FUT8: variants seen among roughly 807,000 people sequenced by gnomAD.
FUT8 encodes the protein fucosyltransferase 8.
FUT8 carries 29 observed loss-of-function variants against 71.3 expected under a neutral mutation model. The observed-to-expected ratio is 0.41, with a 90% confidence interval of 0.30 to 0.55. The LOEUF is 0.55. FUT8 is among the 20% of genes least tolerant of loss of function. FUT8 has a pLI of 0.34. For synonymous variants in FUT8, 254 were observed against 239.3 expected (o/e 1.06, Z -0.57); for missense variants, 544 against 702.1 (o/e 0.77, Z 2.55).
chr14:65,368,532 G>GT, the FUT8 span, among the ~76,000 whole-genome samples: 72 of 125,546 alleles, frequency 5.7e-4, 9 homozygotes, highest in African/African-American at 1.6e-3. Flanking sequence ...TGTTGTTTTT[G>GT]TTTTTTTTGA....
intron 7 of FUT8, among the ~76,000 whole-genome samples, chr14:65,699,232 G>C (rs1894164482): frequency 6.8e-6 from 1 of 147,478 alleles, no homozygotes; most frequent in South Asian, 2.1e-4. Flanking sequence ...ATTCACACCT[G>C]TTCCTAACCC....
rs1885202350 is a variant in FUT8 at position 65,550,048 on chromosome 14, G to A, written c.-227-11289G>A. The stretch of plus-strand genomic sequence containing the variant: ...TGCACTCCAGCCTGGGTGACAGAGC[G>A]AGACTCTGTCTAAAAACAAAACAAA... On this transcript the variant is annotated intron_variant, in intron 2 of 10. Coordinates refer to ENST00000673929, the MANE Select transcript of FUT8 (RefSeq NM_001371533.1). This position sits in a 1 kb window ranked among gnomAD's most constrained non-coding sequence, Gnocchi z 4.5. Among the ~76,000 whole-genome samples, 1 of 152,192 alleles carries A rather than the reference G, an allele frequency of 6.6e-6. No homozygotes were observed. The highest frequency in any genetic ancestry group is 1.9e-4 in the East Asian group (1 of 5,168).
chr14:65,525,102 C>G (rs1883356351), intron 2 of FUT8, among the ~76,000 whole-genome samples: 1 of 152,166 alleles, frequency 6.6e-6, no homozygotes, highest in Non-Finnish European at 1.5e-5. Flanking sequence ...AGGATTTCCT[C>G]TTTTTCTATT....
intron 2 of FUT8, among the ~76,000 whole-genome samples, chr14:65,480,433 A>G (rs769686235): frequency 2.0e-5 from 3 of 150,648 alleles, no homozygotes; most frequent in Non-Finnish European, 4.4e-5. Context: ...CTCCCACCTC[A>G]GCCACCAGAG....
At chr14:65,500,826 A>G (rs1269738169) in intron 2 of FUT8, among the ~76,000 whole-genome samples, 2 of 152,056 alleles carry the variant, frequency 1.3e-5, no homozygotes, top group Non-Finnish European at 1.5e-5. Flanking sequence ...AGCGTTGAAA[A>G]CTTGTATTTG....
Position 65,439,972 on chromosome 14 carries a change from A to G in FUT8, c.-325-15649A>G, listed in dbSNP as rs1213824420. 2.7e-4 allele frequency among the ~76,000 whole-genome samples: 37 copies of G among 135,506 alleles called. 1 individual carries two copies. Among genetic ancestry groups the G allele is most frequent in the African/African-American group, 4.6e-4 (17 of 37,010 alleles). 88.9% of individuals were successfully genotyped at this position (135,506 alleles called of 152,430 possible). ...TGTGTGTGTATATATATATATATATATATATATATATATATATATGTACAC... is the reference window on the plus strand; with the variant it reads ...TGTGTGTGTATATATATATATATATGTATATATATATATATATATGTACAC... On this transcript the variant is annotated intron_variant, in intron 1 of 10. Transcript: ENST00000673929.
chr14:65,556,636 C>A (rs931244874), intron 2 of FUT8, among the ~76,000 whole-genome samples: 1 of 152,164 alleles, frequency 6.6e-6, no homozygotes, highest in African/African-American at 2.4e-5. Context: ...GTGCAGCCAA[C>A]ACTCAAGAGG....
chr14:65,385,954 C>T, the FUT8 span, among the ~76,000 whole-genome samples: 1 of 152,046 alleles, frequency 6.6e-6, no homozygotes, highest in African/African-American at 2.4e-5. Context: ...GAGTTTGAGA[C>T]CAGCCTGGCC....
At chr14:65,540,735 T>A (rs1461666871) in intron 2 of FUT8, among the ~76,000 whole-genome samples, 1 of 152,208 alleles carries the variant, frequency 6.6e-6, no homozygotes, top group East Asian at 1.9e-4. Flanking sequence ...TGGAATGGTT[T>A]ATGTACACAG....
chr14:65,447,115 A>G (rs2065754379), intron 1 of FUT8, among the ~76,000 whole-genome samples: 1 of 151,740 alleles, frequency 6.6e-6, no homozygotes, highest in Non-Finnish European at 1.5e-5. Context: ...CTGGGTGGTG[A>G]AATCTGGTCT....
intron 2 of FUT8, among the ~76,000 whole-genome samples, chr14:65,470,131 C>G (rs1470005290): frequency 6.6e-6 from 1 of 152,246 alleles, no homozygotes; most frequent in Non-Finnish European, 1.5e-5. Flanking sequence ...GCGGCAGGGC[C>G]TGAGCATGCG....
intron 7 of FUT8, among the ~76,000 whole-genome samples, chr14:65,684,382 A>G (rs1173129121): frequency 1.3e-5 from 2 of 152,204 alleles, no homozygotes; most frequent in Non-Finnish European, 2.9e-5. Context: ...GTATGCTAAG[A>G]TGACGAAAAG....
chr14:65,421,735 A>ACCCCC (rs377291691), intron 1 of FUT8, among the ~76,000 whole-genome samples: 344 of 34,240 alleles, frequency 0.01, 1 homozygote, highest in South Asian at 0.029. Flanking sequence ...AAACCCTTTA[A>ACCCCC]CCCACCCCCC....
intron 3 of FUT8, among the ~76,000 whole-genome samples, chr14:65,580,406 G>A (rs1887025906): frequency 6.6e-6 from 1 of 151,428 alleles, no homozygotes; most frequent in Non-Finnish European, 1.5e-5. Flanking sequence ...TTGTTATGTG[G>A]TGCATGACTA....
chr14:65,700,217 G>A (rs1438596948), intron 7 of FUT8, among the ~76,000 whole-genome samples: 1 of 151,940 alleles, frequency 6.6e-6, no homozygotes, highest in African/African-American at 2.4e-5. Flanking sequence ...TAGGACATAT[G>A]GTTGCCATCC....
chr14:65,407,000 T>G (rs1212223885), upstream of FUT8, among the ~76,000 whole-genome samples: 1 of 152,190 alleles, frequency 6.6e-6, no homozygotes, highest in Non-Finnish European at 1.5e-5. Context: ...CCTTCTTAAT[T>G]CAGTCCTCAC....
chr14:65,620,281 A>G (rs1046141901), intron 5 of FUT8, among the ~76,000 whole-genome samples: 1 of 152,168 alleles, frequency 6.6e-6, no homozygotes, highest in Admixed American at 6.5e-5. Flanking sequence ...CTATTGAAAA[A>G]CAATCTGTTA....
At chr14:65,732,199 A>G (rs1478649567) in intron 9 of FUT8, among the ~76,000 whole-genome samples, 1 of 152,238 alleles carries the variant, frequency 6.6e-6, no homozygotes, top group African/African-American at 2.4e-5. Context: ...AACAGTGCTC[A>G]GAGACTTTGC....
At chr14:65,699,939 T>A (rs1269526042) in intron 7 of FUT8, among the ~76,000 whole-genome samples, 1 of 152,232 alleles carries the variant, frequency 6.6e-6, no homozygotes, top group African/African-American at 2.4e-5. Context: ...GGTAGCATCA[T>A]CAGGCATAAG....
Sources: allele counts gnomAD v4.1 joint callset (sites outside exome capture counted in the v4.1 genomes callset), GRCh38; gene constraint gnomAD v4.1.1; non-coding constraint Gnocchi (gnomAD v3.1); transcripts MANE v1.5; gene names NCBI Gene and HGNC (gene_info 2026-07-23, HGNC 2026-07-21).